SLC22A15: variants seen among roughly 807,000 people sequenced by gnomAD.
SLC22A15 encodes the protein flipt 1.
SLC22A15 carries 45 observed loss-of-function variants against 62.7 expected under a neutral mutation model. That is an observed-to-expected ratio of 0.72 (90% CI 0.56 to 0.92). The LOEUF (loss-of-function observed/expected upper bound fraction) is 0.92, where lower values mean the gene tolerates loss of function less well. Among genes scored for constraint, SLC22A15 ranks in the 40% least tolerant of loss-of-function variants. SLC22A15 has a pLI of 0.00. For synonymous variants in SLC22A15, 264 were observed against 267.0 expected, an observed-to-expected ratio of 0.99 and a Z score of 0.11; for missense variants, 622 against 665.6, an observed-to-expected ratio of 0.93 and a Z score of 0.72.
chr1:115,983,852 G>A (rs1026827961), intron 1 of SLC22A15, among the ~76,000 whole-genome samples: 1 of 152,112 alleles, frequency 6.6e-6, no homozygotes, highest in Non-Finnish European at 1.5e-5. Context: ...GAGGCACTAA[G>A]GCACCTGCCC....
intron 1 of SLC22A15, among the ~76,000 whole-genome samples, chr1:115,985,218 G>A (rs1654800047): frequency 6.6e-6 from 1 of 152,126 alleles, no homozygotes; most frequent in Non-Finnish European, 1.5e-5. Flanking sequence ...TATTTTCTAT[G>A]TTAGGTATGT....
At chr1:116,013,730 G>T (rs140384382) in intron 2 of SLC22A15, 123 of 152,280 alleles carry the variant, frequency 8.1e-4, no homozygotes, top group African/African-American at 2.9e-3. Context: ...AAGGTTTTAT[G>T]ATTTTAAGAG....
intron 2 of SLC22A15, among the ~76,000 whole-genome samples, chr1:115,997,235 T>TTTGTTGTTG (rs150354511): frequency 6.6e-6 from 1 of 151,772 alleles, no homozygotes; most frequent in African/African-American, 2.4e-5. Flanking sequence ...TTGCTCCAGT[T>TTTGTTGTTG]TTGTTGTTGT....
chr1:116,066,842 T>G, intron 11 of SLC22A15, 134 bp downstream of exon 11: 1 of 1,011,868 alleles, frequency 9.9e-7, no homozygotes, highest in African/African-American at 1.6e-5. Flanking sequence ...CAGCTGATTT[T>G]CAGAGAAATA....
intron 2 of SLC22A15, among the ~76,000 whole-genome samples, chr1:116,006,300 CT>C (rs1655978663): frequency 6.6e-6 from 1 of 152,180 alleles, no homozygotes; most frequent in African/African-American, 2.4e-5. Flanking sequence ...CTGGTCCCCA[CT>C]GTATCTCCTA....
At chr1:116,064,554 G>A (rs1306859398) in intron 10 of SLC22A15, 46 bp downstream of exon 10, 5 of 1,291,450 alleles carry the variant, frequency 3.9e-6, no homozygotes, top group Non-Finnish European at 4.5e-6. Context: ...TCTCTGCTTT[G>A]GAAATGCTTA....
chr1:116,055,333 C>A (rs1306656903), intron 8 of SLC22A15, among the ~76,000 whole-genome samples: 2 of 152,040 alleles, frequency 1.3e-5, no homozygotes, highest in Non-Finnish European at 2.9e-5. Flanking sequence ...TCTACACATA[C>A]ACCCTCCCAA....
intron 1 of SLC22A15, among the ~76,000 whole-genome samples, chr1:115,987,164 A>ATTT (rs1157832035): frequency 5.1e-5 from 7 of 137,998 alleles, no homozygotes; most frequent in African/African-American, 1.7e-4. Context: ...ATGTAGATAG[A>ATTT]TTTTTTTTTT....
chr1:115,996,784 AATGATAT>A (rs1175956648), intron 2 of SLC22A15, among the ~76,000 whole-genome samples: 1 of 152,058 alleles, frequency 6.6e-6, no homozygotes, highest in Non-Finnish European at 1.5e-5. Context: ...GCGTGATTCA[AATGATAT>A]ATTTTGTATT....
intron 2 of SLC22A15, among the ~76,000 whole-genome samples, chr1:116,000,336 T>C (rs575705479): frequency 6.6e-6 from 1 of 152,338 alleles, no homozygotes; most frequent in South Asian, 2.1e-4. Flanking sequence ...GATGACAATT[T>C]AACTCTGCAA....
chr1:116,063,670 C>G (rs1658431688), intron 9 of SLC22A15, among the ~76,000 whole-genome samples: 1 of 152,232 alleles, frequency 6.6e-6, no homozygotes, highest in Non-Finnish European at 1.5e-5. Context: ...AATTTCCTAG[C>G]TGGTCCTATA....
chr1:116,042,581 A>G (rs755543712), intron 8 of SLC22A15, among the ~76,000 whole-genome samples: 6 of 152,204 alleles, frequency 3.9e-5, no homozygotes, highest in Non-Finnish European at 7.3e-5. Context: ...AAATGCTCAA[A>G]TGCTTTGCAA....
intron 1 of SLC22A15, among the ~76,000 whole-genome samples, chr1:115,989,843 A>G (rs1655063766): frequency 6.6e-6 from 1 of 152,146 alleles, no homozygotes; most frequent in Admixed American, 6.6e-5. Flanking sequence ...TGCCTCGCAC[A>G]TAGTTAGCAT....
chr1:116,062,914 C>G (rs1363666284), intron 9 of SLC22A15, 32 bp downstream of exon 9: 1 of 1,608,870 alleles, frequency 6.2e-7, no homozygotes, highest in Admixed American at 1.7e-5. Flanking sequence ...ATTCTTCACA[C>G]ATTCTACACT....
chr1:115,990,266 A>C (rs1018834040), intron 1 of SLC22A15, among the ~76,000 whole-genome samples: 3 of 152,224 alleles, frequency 2.0e-5, no homozygotes, highest in African/African-American at 7.2e-5. Flanking sequence ...AAAGGTAGGA[A>C]AGGGTACATT....
intron 2 of SLC22A15, among the ~76,000 whole-genome samples, chr1:116,008,643 A>T (rs1341348948): frequency 6.6e-6 from 1 of 152,252 alleles, no homozygotes; most frequent in Non-Finnish European, 1.5e-5. Context: ...TGAAAGCTAA[A>T]TAAGATGCTC....
rs377465127 is a variant in SLC22A15 at position 116,061,935 on chromosome 1, G to C, written c.1172-827G>C. Among the ~76,000 whole-genome samples the C allele has an allele frequency of 2.0e-5, 3 of 152,214 alleles. No individual in the cohort carries two copies. The South Asian group carries it at 6.2e-4, about 32-fold the overall frequency. ...GTTATTTAAAGAACATCGGCTGGGC[G>C]TGGTGGCTCACACCTGTAATCTCAG... On this transcript the variant is annotated intron_variant, in intron 8 of 11. Coordinates refer to ENST00000369503, the MANE Select transcript of SLC22A15 (RefSeq NM_018420.3).
intron 5 of SLC22A15, among the ~76,000 whole-genome samples, chr1:116,027,563 A>T (rs1657157079): frequency 6.6e-6 from 1 of 151,986 alleles, no homozygotes; most frequent in Non-Finnish European, 1.5e-5. Context: ...TGACTGCCCA[A>T]GGGTGTCATA....
At chr1:115,989,389 T>C (rs769370910) in intron 1 of SLC22A15, among the ~76,000 whole-genome samples, 17 of 152,346 alleles carry the variant, frequency 1.1e-4, no homozygotes, top group Admixed American at 3.9e-4. Flanking sequence ...TTGAGAATGG[T>C]GTCCTTCATA....
Sources: gnomAD v4.1 joint callset for allele counts (sites outside exome capture counted in the v4.1 genomes callset) on GRCh38, gnomAD v4.1.1 for gene constraint, MANE v1.5 for transcripts, NCBI Gene and HGNC (gene_info 2026-07-23, HGNC 2026-07-21) for gene names.